Variants in ANKRD6 observed in about 807,000 individuals in gnomAD.
The protein encoded by ANKRD6 is ankyrin repeat domain 6.
ANKRD6 carries 56 observed loss-of-function variants against 82.3 expected under a neutral mutation model. The observed-to-expected ratio is 0.68, with a 90% CI of 0.55 to 0.85. The LOEUF is 0.85. ANKRD6 is among the 40% of genes least tolerant of loss of function. The pLI, the probability that ANKRD6 is intolerant of heterozygous loss-of-function variation, is 0.00. For synonymous variants in ANKRD6, 347 were observed against 352.1 expected (o/e 0.99, Z 0.16); for missense variants, 852 against 907.6 (o/e 0.94, Z 0.79).
intron 15 of ANKRD6, among the ~76,000 whole-genome samples, chr6:89,630,077 G>A (rs1807016948): frequency 6.6e-6 from 1 of 152,216 alleles, no homozygotes; most frequent in African/African-American, 2.4e-5. Context: ...TCTGCTTTGA[G>A]ATACTTGGTG....
chr6:89,590,638 G>A (rs1794693228), intron 2 of ANKRD6, among the ~76,000 whole-genome samples: 1 of 152,194 alleles, frequency 6.6e-6, no homozygotes, highest in Admixed American at 6.5e-5. Flanking sequence ...TCCTAAGGGT[G>A]AGACATGAAG....
chr6:89,579,210 C>A (rs973687267), intron 2 of ANKRD6, among the ~76,000 whole-genome samples: 8 of 152,228 alleles, frequency 5.3e-5, no homozygotes, highest in Non-Finnish European at 1.0e-4. Flanking sequence ...ATCATATCAT[C>A]ACCTCTAAAA....
chr6:89,456,643 T>C (rs1773543644), intron 1 of ANKRD6, among the ~76,000 whole-genome samples: 1 of 152,230 alleles, frequency 6.6e-6, no homozygotes, highest in African/African-American at 2.4e-5. Context: ...TATGAACTTG[T>C]TCTGCCCATA....
At chr6:89,582,761 TC>T (rs1327464177) in intron 2 of ANKRD6, among the ~76,000 whole-genome samples, 1 of 152,190 alleles carries the variant, frequency 6.6e-6, no homozygotes, top group African/African-American at 2.4e-5. Context: ...TACCATCTTT[TC>T]GACCCTGCCC....
chr6:89,500,279 C>T (rs1779121049), intron 1 of ANKRD6, among the ~76,000 whole-genome samples: 1 of 152,028 alleles, frequency 6.6e-6, no homozygotes, highest in South Asian at 2.1e-4. Context: ...TCCTTTTTTT[C>T]TTCCCCTTTA....
At chr6:89,543,491 G>A (rs1419651776) in intron 1 of ANKRD6, among the ~76,000 whole-genome samples, 1 of 152,180 alleles carries the variant, frequency 6.6e-6, no homozygotes, top group African/African-American at 2.4e-5. Context: ...CACCATTTTA[G>A]ATCCTGTGGT....
chr6:89,580,992 A>G (rs1316091932), intron 2 of ANKRD6, among the ~76,000 whole-genome samples: 2 of 152,162 alleles, frequency 1.3e-5, no homozygotes, highest in African/African-American at 4.8e-5. Flanking sequence ...TCTACTACAG[A>G]AGGCACAAAG....
Position 89,616,405 on chromosome 6 carries a change from T to C in ANKRD6, c.616-154T>C, listed in dbSNP as rs1801594507. 5 of 637,178 alleles carry C rather than the reference T, an allele frequency of 7.8e-6. No homozygotes were observed. The East Asian group carries it at 1.1e-4, about 14-fold the overall frequency. 39.5% of individuals were successfully genotyped at this position (637,178 alleles called of 1,614,324 possible). A position where few individuals can be genotyped will look rare whatever the true frequency, so the allele number is the denominator to read the frequency against. ...CACTTAGTTCCAAGACCTCTTTAAGTAGAGCCTCATAACGCTTTAACAAAG... is the reference window on the plus strand; with the variant it reads ...CACTTAGTTCCAAGACCTCTTTAAGCAGAGCCTCATAACGCTTTAACAAAG... On this transcript the variant is annotated intron_variant, in intron 7 of 15. Coordinates refer to ENST00000339746, the MANE Select transcript of ANKRD6 (RefSeq NM_001242809.2).
intron 13 of ANKRD6, 97 bp downstream of exon 13, chr6:89,624,788 AG>A: frequency 7.2e-7 from 1 of 1,384,878 alleles, no homozygotes; most frequent in Non-Finnish European, 9.7e-7. Flanking sequence ...CCACCCTGGG[AG>A]TGTCCAGTGG....
intron 1 of ANKRD6, among the ~76,000 whole-genome samples, chr6:89,500,965 A>G (rs1303583149): frequency 6.7e-6 from 1 of 148,752 alleles, no homozygotes; most frequent in Non-Finnish European, 1.5e-5. Context: ...GACTGTCCCC[A>G]ATTAGTCTTT....
At chr6:89,576,977 C>T (rs1258845801) in intron 2 of ANKRD6, among the ~76,000 whole-genome samples, 1 of 151,866 alleles carries the variant, frequency 6.6e-6, no homozygotes, top group Non-Finnish European at 1.5e-5. Flanking sequence ...ATTGCCTAGG[C>T]TGGTCCTAAA....
At chr6:89,502,915 T>C (rs1779420482) in intron 1 of ANKRD6, among the ~76,000 whole-genome samples, 1 of 152,080 alleles carries the variant, frequency 6.6e-6, no homozygotes, top group African/African-American at 2.4e-5. Flanking sequence ...TAACAGGATT[T>C]CCCCCATCCT....
intron 1 of ANKRD6, among the ~76,000 whole-genome samples, chr6:89,452,761 G>A (rs775194787): frequency 5.3e-5 from 8 of 152,116 alleles, no homozygotes; most frequent in African/African-American, 1.2e-4. Context: ...GGACAATAAA[G>A]ATGCCCTTTA....
chr6:89,606,149 A>G, intron 5 of ANKRD6, 44 bp downstream of exon 5: 1 of 1,463,046 alleles, frequency 6.8e-7, no homozygotes, highest in Non-Finnish European at 9.3e-7. Context: ...ACAGGTGAGG[A>G]TGGCTGTGGG....
At chr6:89,615,928 A>G (rs1195992916) in intron 7 of ANKRD6, among the ~76,000 whole-genome samples, 1 of 152,214 alleles carries the variant, frequency 6.6e-6, no homozygotes, top group Non-Finnish European at 1.5e-5. Flanking sequence ...ATGAACATTT[A>G]TTTATAGGCT....
At chr6:89,539,946 C>CT (rs1439301080) in intron 1 of ANKRD6, among the ~76,000 whole-genome samples, 1 of 150,740 alleles carries the variant, frequency 6.6e-6, no homozygotes, top group Non-Finnish European at 1.5e-5. Flanking sequence ...ACATGATGAT[C>CT]TCCAGTTCCA....
At chr6:89,503,580 T>TG (rs1241888500) in intron 1 of ANKRD6, among the ~76,000 whole-genome samples, 1 of 152,162 alleles carries the variant, frequency 6.6e-6, no homozygotes, top group Non-Finnish European at 1.5e-5. Flanking sequence ...CAATAAATAT[T>TG]AAGTGCCTGC....
chr6:89,485,518 C>G (rs1399208145), intron 1 of ANKRD6, among the ~76,000 whole-genome samples: 2 of 152,304 alleles, frequency 1.3e-5, no homozygotes, highest in African/African-American at 4.8e-5. Context: ...CATGCTTGCC[C>G]CAAGGCCCTG....
intron 1 of ANKRD6, among the ~76,000 whole-genome samples, chr6:89,485,244 C>G (rs1463939042): frequency 6.6e-6 from 1 of 152,144 alleles, no homozygotes; most frequent in Non-Finnish European, 1.5e-5. Flanking sequence ...TAATGTGATG[C>G]CAATACGCTC....
Sources: gnomAD v4.1 joint callset for allele counts (sites outside exome capture counted in the v4.1 genomes callset) on GRCh38, gnomAD v4.1.1 for gene constraint, MANE v1.5 for transcripts, NCBI Gene and HGNC (gene_info 2026-07-23, HGNC 2026-07-21) for gene names.